Variants in PLEKHB1 observed in about 807,000 individuals in gnomAD.
PLEKHB1 encodes pleckstrin homology domain containing B1.
PLEKHB1 carries 29 observed loss-of-function variants against 36.2 expected under a neutral mutation model. The observed-to-expected ratio is 0.80, with a 90% CI of 0.60 to 1.09. The LOEUF (loss-of-function observed/expected upper bound fraction) is 1.09, where lower values mean the gene tolerates loss of function less well. Among genes scored for constraint, PLEKHB1 ranks in the 50% least tolerant of loss-of-function variants. The pLI is 0.00. For synonymous variants in PLEKHB1, 138 were observed against 140.0 expected (o/e 0.99, Z 0.10); for missense variants, 330 against 348.2 (o/e 0.95, Z 0.42).
intron 6 of PLEKHB1, among the ~76,000 whole-genome samples, chr11:73,657,154 T>A (rs1228680506): frequency 6.6e-6 from 1 of 151,734 alleles, no homozygotes; most frequent in African/African-American, 2.4e-5. Context: ...AAAAAAAAAA[T>A]TGTCTCCTGA....
At chr11:73,659,111 A>T (rs1160179192) in intron 6 of PLEKHB1, among the ~76,000 whole-genome samples, 1 of 151,952 alleles carries the variant, frequency 6.6e-6, no homozygotes, top group Non-Finnish European at 1.5e-5. Flanking sequence ...CTGTAATCTC[A>T]GTTACCTGGG....
chr11:73,647,995 G>C, intron 1 of PLEKHB1: 1 of 985,218 alleles, frequency 1.0e-6, no homozygotes, highest in South Asian at 4.7e-5. Context: ...GCTACATCAT[G>C]TACATGGATG....
chr11:73,661,043 CT>C lies in PLEKHB1; in HGVS notation c.595+192del. 1.6e-6 allele frequency: 1 copy of C among 636,428 alleles called. No homozygotes were observed. The highest frequency in any genetic ancestry group is 2.7e-6 in the Non-Finnish European group (1 of 365,600). The allele number at this position is 636,428 out of a possible 1,614,324, so 39.4% of individuals were successfully genotyped here. A position where few individuals can be genotyped will look rare whatever the true frequency, so the allele number is the denominator to read the frequency against. On this transcript the variant is annotated intron_variant, in intron 7 of 7. Coordinates refer to ENST00000354190, the MANE Select transcript of PLEKHB1 (RefSeq NM_021200.3). This position sits in a 1 kb window ranked among gnomAD's most constrained non-coding sequence, Gnocchi z 4.6. ...CTCTGGAACCAGCGTTCGTCTCGAG[CT>C]GACCTCACCCTTCTGGGATGGCTCC... is the stretch of plus-strand genomic sequence containing the variant.
chr11:73,654,272 C>T (rs534142904), intron 5 of PLEKHB1, among the ~76,000 whole-genome samples: 21 of 152,334 alleles, frequency 1.4e-4, no homozygotes, highest in African/African-American at 5.1e-4. Context: ...GCTTGGCCTC[C>T]ACCCCCATCT....
intron 6 of PLEKHB1, among the ~76,000 whole-genome samples, chr11:73,658,499 GA>G (rs1945037910): frequency 6.6e-6 from 1 of 152,216 alleles, no homozygotes; most frequent in South Asian, 2.1e-4. Context: ...TTGGCCAAAA[GA>G]ATGGGCAGAA....
rs755128837 is a variant in PLEKHB1 at position 73,650,689 on chromosome 11, C to T, written c.231C>T (p.Ile77=). Residue 77 remains isoleucine (I), a synonymous_variant, in exon 3 of 8, where the codon ATC becomes ATT. Coordinates refer to ENST00000354190, the MANE Select transcript of PLEKHB1 (RefSeq NM_021200.3). ...ACTTCAATGTCCGTGACATAAAGAT[C>T]GGCCCAGAGTGCCATGGTGAGCAGA... ...LIHFNVRDIK[I]GPECHDVQPP... 1.1e-5 allele frequency: 18 copies of T among 1,606,596 alleles called. No individual in the cohort carries two copies. The highest frequency in any genetic ancestry group is 6.8e-5 in the Admixed American group (4 of 59,070).
chr11:73,653,303 C>G, intron 5 of PLEKHB1: 1 of 652,218 alleles, frequency 1.5e-6, no homozygotes. Context: ...AGGTGTGGTG[C>G]AGGTATCATT....
chr11:73,653,226 T>C, intron 5 of PLEKHB1: 2 of 650,506 alleles, frequency 3.1e-6, no homozygotes, highest in Non-Finnish European at 2.8e-6. Flanking sequence ...CATGGAGATT[T>C]GCTGGAGGGA....
Position 73,649,015 on chromosome 11 carries a change from C to T in PLEKHB1, c.22C>T (p.Pro8Ser). Residue 8 changes from proline (P) to serine (S), a missense_variant, in exon 2 of 8, where the codon CCG becomes TCG. Pro to Ser is a moderately conservative substitution (Grantham distance 74). Coordinates refer to ENST00000354190, the MANE Select transcript of PLEKHB1 (RefSeq NM_021200.3). MSPAAPV[P>S]PDSALESPFE... is the part of the protein sequence containing the mutation. Reference sequence around the variant, plus strand: ...TCTCCCGTGGCTCCTCTGACAGGTCCCGCCTGACTCCGCTCTGGAAAGTCC... The same window carrying T: ...TCTCCCGTGGCTCCTCTGACAGGTCTCGCCTGACTCCGCTCTGGAAAGTCC... The T allele has an allele frequency of 6.3e-7, 1 of 1,591,574 alleles. No homozygotes were observed. The highest frequency in any genetic ancestry group is 8.6e-7 in the Non-Finnish European group (1 of 1,169,138).
chr11:73,660,655 C>T, intron 6 of PLEKHB1, 98 bp from the exon 7 acceptor site: 1 of 1,167,940 alleles, frequency 8.6e-7, no homozygotes, highest in South Asian at 1.5e-5. Context: ...GGGGAGGTGG[C>T]TCCATGGATC....
chr11:73,649,135 C>T (rs1944833167), intron 2 of PLEKHB1, 48 bp downstream of exon 2: 1 of 1,553,072 alleles, frequency 6.4e-7, no homozygotes, highest in South Asian at 1.2e-5. Context: ...AAGGAAGTGG[C>T]TTACTGGGCT....
chr11:73,647,704 C>T lies in PLEKHB1; in HGVS notation c.18+1078C>T, dbSNP rs556495386. The T allele has an allele frequency of 3.3e-5, 33 of 985,398 alleles. No individual in the cohort carries two copies. The South Asian group carries it at 1.4e-3, about 42-fold the overall frequency. 61.0% of individuals were successfully genotyped at this position (985,398 alleles called of 1,614,324 possible). On this transcript the variant is annotated intron_variant, in intron 1 of 7. Transcript: ENST00000354190. ...TGGCAGCAGCATCGAGTAGCGGCCG[C>T]TTAGGCAGCAACATCCGCAACAAGT...
At chr11:73,660,915 C>A in intron 7 of PLEKHB1, 63 bp downstream of exon 7, 1 of 1,443,634 alleles carries the variant, frequency 6.9e-7, no homozygotes, top group Non-Finnish European at 9.5e-7. Context: ...CCAGGCCCAG[C>A]CCACGGTCCG....
intron 2 of PLEKHB1, among the ~76,000 whole-genome samples, chr11:73,650,154 G>A (rs1329886179): frequency 1.3e-5 from 2 of 152,212 alleles, no homozygotes; most frequent in African/African-American, 4.8e-5. Context: ...GGTTAAGGCT[G>A]CAGTGAGCCA....
At position 73,661,828 on chromosome 11, in the gene PLEKHB1, A is replaced by G; in HGVS notation, c.*226A>G. 1 of 529,906 alleles carries G rather than the reference A, an allele frequency of 1.9e-6. No individual in the cohort carries two copies. The highest frequency in any genetic ancestry group is 3.0e-5 in the South Asian group (1 of 33,554). The allele number at this position is 529,906 out of a possible 1,614,324, so 32.8% of individuals were successfully genotyped here. On this transcript the variant is annotated 3_prime_UTR_variant, in exon 8 of 8. Coordinates refer to ENST00000354190, the MANE Select transcript of PLEKHB1 (RefSeq NM_021200.3). The surrounding 1 kb of genome is among the most constrained non-coding windows in gnomAD (Gnocchi z 4.6). ...GCTTGAAGTCTTCACATCTACCACTAGACACCCCCAAAATCTGTTATAGAC... is the reference window on the plus strand; with the variant it reads ...GCTTGAAGTCTTCACATCTACCACTGGACACCCCCAAAATCTGTTATAGAC...
intron 6 of PLEKHB1, among the ~76,000 whole-genome samples, chr11:73,656,231 G>A (rs55788366): frequency 0.039 from 5,940 of 152,246 alleles, 166 homozygotes; most frequent in Middle Eastern, 0.075. Flanking sequence ...ACTAGGCATC[G>A]TCATTCCCTC....
chr11:73,647,388 G>A (rs1944787410), intron 1 of PLEKHB1: 3 of 221,622 alleles, frequency 1.4e-5, no homozygotes, highest in Non-Finnish European at 2.3e-5. Context: ...TTTTTTTCTA[G>A]GAACTGAGTT....
chr11:73,659,156 G>C lies in PLEKHB1; in HGVS notation c.496-1597G>C, dbSNP rs78408271. ...CAGGAGAATCGCTTGAACCCGGGAG[G>C]CGGAGGTTGCAGTGAGCTGATACCA... On this transcript the variant is annotated intron_variant, in intron 6 of 7. Coordinates refer to ENST00000354190, the MANE Select transcript of PLEKHB1 (RefSeq NM_021200.3). Among the ~76,000 whole-genome samples the C allele has an allele frequency of 7.7e-4, 117 of 151,950 alleles. 2 individuals are homozygous for C. The East Asian group carries it at 0.02, about 26-fold the overall frequency.
At chr11:73,660,300 A>G (rs1945079500) in intron 6 of PLEKHB1, 1 of 172,908 alleles carries the variant, frequency 5.8e-6, no homozygotes, top group African/African-American at 2.4e-5. Flanking sequence ...GCATAACTGT[A>G]TTTTAGTTAC....
Sources: allele counts gnomAD v4.1 joint callset (sites outside exome capture counted in the v4.1 genomes callset), GRCh38; gene constraint gnomAD v4.1.1; non-coding constraint Gnocchi (gnomAD v3.1); transcripts MANE v1.5; gene names NCBI Gene and HGNC (gene_info 2026-07-23, HGNC 2026-07-21).